Variants in TLR2 observed in about 807,000 individuals in gnomAD.
The protein encoded by TLR2 is toll like receptor 2.
TLR2 carries 7 observed loss-of-function variants against 9.1 expected under a neutral mutation model. The observed-to-expected ratio is 0.77, with a 90% confidence interval of 0.44 to 1.44. TLR2 has a LOEUF of 1.44. Ranked by LOEUF, TLR2 falls within the 40% of genes most tolerant of loss-of-function variation. The probability of loss-of-function intolerance (pLI) is 0.01; values close to 1 mark genes in which losing one functional copy is unlikely to be tolerated. For missense variants in TLR2, 812 were observed against 904.6 expected, an observed-to-expected ratio of 0.90 and a Z score of 1.31; for synonymous variants, 317 against 344.6, an observed-to-expected ratio of 0.92 and a Z score of 0.89.
At chr4:153,710,030 TG>T (rs1295671919), downstream of TLR2, 2 of 176,028 alleles carry the variant, frequency 1.1e-5, no homozygotes, top group Non-Finnish European at 2.4e-5. Flanking sequence ...TATGGCTAAA[TG>T]TTGTGTGTGA....
At chr4:153,707,461 G>T (rs111905892), downstream of TLR2, among the ~76,000 whole-genome samples, 1 of 152,050 alleles carries the variant, frequency 6.6e-6, no homozygotes, top group African/African-American at 2.4e-5. Context: ...GAGGTGGGAG[G>T]ATCACCTGAG....
rs530103833 is a variant in TLR2, at chr4:153,704,590, T to C, written c.1683T>C (p.Asn561=). The part of the protein sequence containing the change: ...LAKVLIDWPA[N]YLCDSPSHVR... ...AAGTCTTGATTGATTGGCCAGCAAATTACCTGTGTGACTCTCCATCCCATG... is the reference window on the plus strand; with the variant it reads ...AAGTCTTGATTGATTGGCCAGCAAACTACCTGTGTGACTCTCCATCCCATG... The change falls in exon 3 of 3, where the codon AAT becomes AAC. Residue 561 remains asparagine (N), a synonymous_variant. Coordinates refer to ENST00000642700, the MANE Select transcript of TLR2 (RefSeq NM_001318789.2). 3.1e-6 allele frequency: 5 copies of C among 1,613,618 alleles called. No homozygotes were observed. Among genetic ancestry groups the C allele is most frequent in the Non-Finnish European group, 4.2e-6 (5 of 1,179,994 alleles).
At chr4:153,693,577 C>G (rs1195836606) in intron 2 of TLR2, among the ~76,000 whole-genome samples, 1 of 152,204 alleles carries the variant, frequency 6.6e-6, no homozygotes, top group African/African-American at 2.4e-5. Flanking sequence ...TCAGGCTACT[C>G]TTTTGCTTCG....
intron 2 of TLR2, chr4:153,702,609 T>A (rs1010091824): frequency 2.0e-5 from 6 of 306,660 alleles, no homozygotes; most frequent in Non-Finnish European, 3.0e-5. Flanking sequence ...CAATCCATGT[T>A]ATTGAGTCTT....
rs1560748596 is a variant in TLR2 at position 153,702,759 on chromosome 4, TCTTTGTGTGTGTGTGTGTGTG to T, written c.-16-132_-16-112del. 29 of 570,518 alleles carry T rather than the reference TCTTTGTGTGTGTGTGTGTGTG, an allele frequency of 5.1e-5. No individual in the cohort carries two copies. In the South Asian group the frequency reaches 5.5e-4, roughly 11 times the overall value. 35.3% of individuals were successfully genotyped at this position (570,518 alleles called of 1,614,324 possible). A position where few individuals can be genotyped will look rare whatever the true frequency, so the allele number is the denominator to read the frequency against. The stretch of plus-strand genomic sequence containing the variant: ...ATTCATCTGTTTCTCTCTCTCTCTC[TCTTTGTGTGTGTGTGTGTGTG>T]TGTGTGTGTGTGTGTGTGTGTGTGT... On this transcript the variant is annotated intron_variant, in intron 2 of 2. Transcript: ENST00000642700.
intron 2 of TLR2, chr4:153,688,760 C>T (rs904833359): frequency 3.6e-5 from 6 of 168,398 alleles, no homozygotes; most frequent in African/African-American, 1.2e-4. Flanking sequence ...AGTAAACCCA[C>T]AACCTTCAGC....
At chr4:153,707,118 A>G (rs1219292249), downstream of TLR2, among the ~76,000 whole-genome samples, 2 of 152,196 alleles carry the variant, frequency 1.3e-5, no homozygotes, top group Non-Finnish European at 2.9e-5. Flanking sequence ...TAGCAGGGAT[A>G]TAAGGGATCC....
In TLR2 at chr4:153,704,724, G is replaced by A. The variant is rs1427083255; in HGVS notation, c.1817G>A (p.Gly606Glu). Reference protein sequence around the residue: ...CALFLLILLTGVLCHRFHGLW... With the variant: ...CALFLLILLTEVLCHRFHGLW... ...CTGTTCCTGCTGATCCTGCTCACGG[G>A]GGTCCTGTGCCACCGTTTCCATGGC... The change falls in exon 3 of 3, where the codon GGG becomes GAG. Residue 606 changes from glycine to glutamate, a missense_variant. Coordinates refer to ENST00000642700, the MANE Select transcript of TLR2 (RefSeq NM_001318789.2). 2.5e-6 allele frequency: 4 copies of A among 1,613,906 alleles called. No homozygotes were observed. In the East Asian group the frequency reaches 6.7e-5, roughly 27 times the overall value.
intron 2 of TLR2, chr4:153,688,465 G>C (rs1560735986): frequency 6.6e-6 from 1 of 152,198 alleles, no homozygotes; most frequent in African/African-American, 2.4e-5. Flanking sequence ...GGGAAATCAG[G>C]GGACTCACAG....
chr4:153,705,042 G>A lies in TLR2; in HGVS notation c.2135G>A (p.Trp712Ter), dbSNP rs758323799. 1.1e-5 allele frequency: 17 copies of A among 1,614,052 alleles called. No individual in the cohort carries two copies. The highest frequency in any genetic ancestry group is 1.4e-5 in the Non-Finnish European group (17 of 1,180,022). ...TCTGAAAACTTTGTGAAGAGTGAGT[G>A]GTGCAAGTATGAACTGGACTTCTCC... Reference protein sequence around the residue: ...VLSENFVKSEWCKYELDFSHF... With the variant: ...VLSENFVKSE Residue 712 changes from tryptophan (W) to a stop codon, truncating the protein, a stop_gained, in exon 3 of 3, where the codon TGG (tryptophan) becomes TAG (stop). Transcript: ENST00000642700. LOFTEE classifies it high-confidence loss of function.
chr4:153,705,875 G>T lies in TLR2; in HGVS notation c.*613G>T, dbSNP rs1445873458. 1.3e-5 allele frequency among the ~76,000 whole-genome samples: 2 copies of T among 152,184 alleles called. No individual in the cohort carries two copies. The highest frequency in any genetic ancestry group is 2.9e-5 in the Non-Finnish European group (2 of 68,044). On this transcript the variant is annotated 3_prime_UTR_variant, in exon 3 of 3. Transcript: ENST00000642700. ...TAGTTCATTAGGAAACAGCACAAAT[G>T]AACTTAAGATTCTCAATGACTGTGT...
At position 153,705,748 on chromosome 4, in the gene TLR2, T is replaced by C. The variant is rs1737294234; in HGVS notation, c.*486T>C. 1 of 167,038 alleles carries C rather than the reference T, an allele frequency of 6.0e-6. No homozygotes were observed. The highest frequency in any genetic ancestry group is 1.5e-5 in the Non-Finnish European group (1 of 68,122). 10.3% of individuals were successfully genotyped at this position (167,038 alleles called of 1,614,324 possible). On this transcript the variant is annotated 3_prime_UTR_variant, in exon 3 of 3. Coordinates refer to ENST00000642700, the MANE Select transcript of TLR2 (RefSeq NM_001318789.2). ...TTATATTATTATTGTTATTTTTTAT[T>C]TTCAAAATTTTTAAAACATACTTTT... is the stretch of plus-strand genomic sequence containing the variant.
In TLR2 at chr4:153,705,367, G is replaced by A. The variant is rs543157250; in HGVS notation, c.*105G>A. The A allele has an allele frequency of 6.8e-5, 83 of 1,226,822 alleles. No homozygotes were observed. Among genetic ancestry groups the A allele is most frequent in the South Asian group, 4.0e-4 (20 of 49,834 alleles). 76.0% of individuals were successfully genotyped at this position (1,226,822 alleles called of 1,614,324 possible). A position where few individuals can be genotyped will look rare whatever the true frequency, so the allele number is the denominator to read the frequency against. On this transcript the variant is annotated 3_prime_UTR_variant, in exon 3 of 3. Transcript: ENST00000642700. The stretch of plus-strand genomic sequence containing the variant: ...TATATAAAAACTACGTGGATGTACC[G>A]TCATTTGAGGACTTGCTTACTAAAA...
At chr4:153,690,978 CAATT>C (rs1301149231) in intron 2 of TLR2, among the ~76,000 whole-genome samples, 1 of 152,214 alleles carries the variant, frequency 6.6e-6, no homozygotes, top group African/African-American at 2.4e-5. Context: ...TGAGCATTTT[CAATT>C]AATTGTATGG....
At chr4:153,695,528 AT>A (rs1246112274) in intron 2 of TLR2, among the ~76,000 whole-genome samples, 7 of 151,976 alleles carry the variant, frequency 4.6e-5, no homozygotes, top group Admixed American at 2.0e-4. Context: ...GGATTATTAG[AT>A]TTTTTTCCTA....
chr4:153,701,619 A>G (rs1409633226), intron 2 of TLR2: 1 of 152,122 alleles, frequency 6.6e-6, no homozygotes, highest in African/African-American at 2.4e-5. Flanking sequence ...TGATGATACC[A>G]TGAGTGTATA....
downstream of TLR2, among the ~76,000 whole-genome samples, chr4:153,708,673 G>A (rs959188014): frequency 6.6e-6 from 1 of 152,188 alleles, no homozygotes; most frequent in Non-Finnish European, 1.5e-5. Context: ...AGATAAGCAG[G>A]CAAGGTCCAG....
At chr4:153,687,598 T>A (rs75998011) in intron 1 of TLR2, among the ~76,000 whole-genome samples, 1 of 147,644 alleles carries the variant, frequency 6.8e-6, no homozygotes, top group Non-Finnish European at 1.5e-5. Flanking sequence ...ACTTAGGAGC[T>A]TTTTTTTTGT....
At chr4:153,691,733 G>T (rs549159535) in intron 2 of TLR2, among the ~76,000 whole-genome samples, 1 of 152,270 alleles carries the variant, frequency 6.6e-6, no homozygotes, top group South Asian at 2.1e-4. Flanking sequence ...GGTCATATCC[G>T]ATTAATGTCC....
Sources: gnomAD v4.1 joint callset for allele counts (sites outside exome capture counted in the v4.1 genomes callset) on GRCh38, gnomAD v4.1.1 for gene constraint, MANE v1.5 for transcripts, NCBI Gene and HGNC (gene_info 2026-07-23, HGNC 2026-07-21) for gene names.